The following KDM4C variants were observed in gnomAD, a reference collection of about 807,000 sequenced individuals.
KDM4C encodes lysine-specific demethylase 4C.
In KDM4C, 81 loss-of-function variants were observed where a neutral mutation model predicts 129.3. That is an observed-to-expected ratio of 0.63 (90% confidence interval 0.52 to 0.75). The LOEUF (loss-of-function observed/expected upper bound fraction) is 0.75, where lower values mean the gene tolerates loss of function less well. Ranked by LOEUF, KDM4C falls within the 30% of genes least tolerant of loss-of-function variation. KDM4C has a pLI of 0.00. For missense variants in KDM4C, 1,457 were observed against 1,304.0 expected (o/e 1.12, Z -1.81); for synonymous variants, 573 against 456.1 (o/e 1.26, Z -3.26).
chr9:6,946,027 A>G (rs138080665), intron 8 of KDM4C, among the ~76,000 whole-genome samples: 386 of 152,232 alleles, frequency 2.5e-3, no homozygotes, highest in African/African-American at 9.0e-3. Flanking sequence ...ATTTGCATGA[A>G]TTCCTTGGTA....
At chr9:6,763,485 T>C (rs1000916250) in intron 1 of KDM4C, among the ~76,000 whole-genome samples, 7 of 152,152 alleles carry the variant, frequency 4.6e-5, no homozygotes, top group African/African-American at 1.7e-4. Context: ...CTTGTGTATC[T>C]CTCTTCCCTC....
chr9:7,037,114 G>A (rs1827789557), intron 15 of KDM4C, among the ~76,000 whole-genome samples: 1 of 152,160 alleles, frequency 6.6e-6, no homozygotes, highest in South Asian at 2.1e-4. Flanking sequence ...TTGCTGATCA[G>A]CACGGGTTTT....
At chr9:6,888,147 A>G (rs925225932) in intron 7 of KDM4C, 84 bp downstream of exon 7, 2 of 641,626 alleles carry the variant, frequency 3.1e-6, no homozygotes, top group African/African-American at 3.8e-5. Context: ...AACTTCCAGT[A>G]GAATTTTTAG....
At chr9:6,843,119 G>A (rs1043168288) in intron 4 of KDM4C, among the ~76,000 whole-genome samples, 1 of 152,072 alleles carries the variant, frequency 6.6e-6, no homozygotes, top group African/African-American at 2.4e-5. Context: ...TATAGAGATG[G>A]GGTTTCACCA....
intron 19 of KDM4C, among the ~76,000 whole-genome samples, chr9:7,160,167 G>T (rs1056974998): frequency 2.0e-5 from 3 of 152,134 alleles, no homozygotes; most frequent in Non-Finnish European, 4.4e-5. Context: ...TCGTGCCATG[G>T]TTTTCAGCTC....
intron 1 of KDM4C, among the ~76,000 whole-genome samples, chr9:6,730,608 C>G (rs1246484286): frequency 1.4e-5 from 2 of 145,598 alleles, no homozygotes; most frequent in Non-Finnish European, 3.0e-5. Flanking sequence ...GAGCGAGACT[C>G]TGTCTCAAAA....
At chr9:6,775,530 G>GT (rs577729908) in intron 1 of KDM4C, among the ~76,000 whole-genome samples, 27 of 150,502 alleles carry the variant, frequency 1.8e-4, no homozygotes, top group East Asian at 1.6e-3. Context: ...CTAGCAAATG[G>GT]TTTTTTTTTG....
At chr9:6,989,183 T>C (rs1171088114) in intron 11 of KDM4C, among the ~76,000 whole-genome samples, 1 of 152,258 alleles carries the variant, frequency 6.6e-6, no homozygotes, top group Non-Finnish European at 1.5e-5. Context: ...GTCATTCTTT[T>C]CTTATTCCTA....
At chr9:6,951,487 T>C (rs1326379410) in intron 8 of KDM4C, among the ~76,000 whole-genome samples, 2 of 152,206 alleles carry the variant, frequency 1.3e-5, no homozygotes, top group Admixed American at 6.5e-5. Context: ...ATTTTGTTTT[T>C]TGTTGGGAGT....
chr9:7,051,219 C>T (rs573115940), intron 17 of KDM4C, among the ~76,000 whole-genome samples: 103 of 152,140 alleles, frequency 6.8e-4, no homozygotes, highest in Non-Finnish European at 1.1e-3. Context: ...AATAATAATA[C>T]GAGGAGCAAC....
chr9:6,850,886 C>T (rs1838720370), intron 5 of KDM4C, among the ~76,000 whole-genome samples: 1 of 152,090 alleles, frequency 6.6e-6, no homozygotes, highest in Admixed American at 6.5e-5. Context: ...TCCCGAGTAG[C>T]TGGGATGACA....
intron 17 of KDM4C, among the ~76,000 whole-genome samples, chr9:7,089,520 G>C (rs759284127): frequency 4.6e-5 from 7 of 152,102 alleles, no homozygotes; most frequent in Non-Finnish European, 4.4e-5. Context: ...TGAGTCTTTG[G>C]GGGAAGTCAT....
chr9:7,049,357 CA>C (rs1368863817), intron 17 of KDM4C, among the ~76,000 whole-genome samples, 157 bp downstream of exon 17: 1 of 151,988 alleles, frequency 6.6e-6, no homozygotes, highest in African/African-American at 2.4e-5. Flanking sequence ...TTTATTCTTA[CA>C]AATTCTTTTC....
intron 4 of KDM4C, among the ~76,000 whole-genome samples, chr9:6,847,489 G>A (rs896275740): frequency 6.6e-5 from 10 of 151,538 alleles, no homozygotes; most frequent in Middle Eastern, 3.4e-3. Context: ...AACACCTCCC[G>A]GGGCCGTTCT....
At chr9:6,912,362 C>T (rs1177385744) in intron 8 of KDM4C, among the ~76,000 whole-genome samples, 4 of 152,178 alleles carry the variant, frequency 2.6e-5, no homozygotes, top group African/African-American at 9.7e-5. Context: ...TAGGGTTATT[C>T]TGAAGACTGC....
intron 8 of KDM4C, among the ~76,000 whole-genome samples, chr9:6,944,179 A>G (rs1223457715): frequency 1.3e-5 from 2 of 152,196 alleles, no homozygotes; most frequent in African/African-American, 4.8e-5. Context: ...GTGCTGTTGA[A>G]TTGGCATCTG....
chr9:7,019,790 T>TATTTTTATATATAAAAATATTATA (rs1200204003), intron 15 of KDM4C, among the ~76,000 whole-genome samples: 2 of 72,376 alleles, frequency 2.8e-5, no homozygotes. Context: ...ATAAAAATAT[T>TATTTTTATATATAAAAATATTATA]TTAGAAGCAA....
intron 18 of KDM4C, among the ~76,000 whole-genome samples, chr9:7,118,617 A>G (rs1352435787): frequency 1.3e-5 from 2 of 152,220 alleles, no homozygotes; most frequent in African/African-American, 2.4e-5. Context: ...ATTAAGGATA[A>G]ATAACAAAGT....
chr9:7,036,736 C>G (rs1827713625), intron 15 of KDM4C, among the ~76,000 whole-genome samples: 2 of 152,228 alleles, frequency 1.3e-5, no homozygotes, highest in Non-Finnish European at 1.5e-5. Context: ...GGTTAGAATT[C>G]AAGCCTACTT....
Sources: allele counts gnomAD v4.1 joint callset (sites outside exome capture counted in the v4.1 genomes callset), GRCh38; gene constraint gnomAD v4.1.1; transcripts MANE v1.5; gene names NCBI Gene and HGNC (gene_info 2026-07-23, HGNC 2026-07-21).